PLEKHA7: variants seen among roughly 807,000 people sequenced by gnomAD.
PLEKHA7 encodes the protein pleckstrin homology domain-containing family A member 7.
Under a neutral mutation model 170.0 loss-of-function variants are expected in PLEKHA7, and 104 were observed. That is an observed-to-expected ratio of 0.61 (90% CI 0.52 to 0.72). The LOEUF is 0.72. Ranked by LOEUF, PLEKHA7 falls within the 30% of genes least tolerant of loss-of-function variation. The pLI, the probability that PLEKHA7 is intolerant of heterozygous loss-of-function variation, is 0.00. For missense variants in PLEKHA7, 1,615 were observed against 1,671.7 expected (o/e 0.97, Z 0.59); for synonymous variants, 648 against 660.8 (o/e 0.98, Z 0.30).
At chr11:16,823,336 C>T (rs899069930) in intron 10 of PLEKHA7, among the ~76,000 whole-genome samples, 4 of 152,106 alleles carry the variant, frequency 2.6e-5, no homozygotes, top group African/African-American at 9.7e-5. Flanking sequence ...CATACTGATA[C>T]CTTGACCTCA....
intron 3 of PLEKHA7, chr11:16,881,584 G>C (rs1038191080): frequency 1.3e-5 from 2 of 152,190 alleles, no homozygotes; most frequent in African/African-American, 4.8e-5. Flanking sequence ...AATCAACCAG[G>C]CAAGCACTTC....
At chr11:16,851,789 T>C (rs1405046958) in intron 7 of PLEKHA7, among the ~76,000 whole-genome samples, 11 of 152,166 alleles carry the variant, frequency 7.2e-5, no homozygotes, top group Non-Finnish European at 1.6e-4. Flanking sequence ...TCTCTCCTTC[T>C]AAGAAGCCTC....
intron 9 of PLEKHA7, among the ~76,000 whole-genome samples, chr11:16,840,112 T>C (rs890442261): frequency 2.0e-5 from 3 of 152,126 alleles, no homozygotes; most frequent in African/African-American, 2.4e-5. Flanking sequence ...AAAATTGACG[T>C]AGTTACTGAT....
rs1258411646 is a variant in PLEKHA7, at chr11:16,817,731, G to A, written c.1344-409C>T. On this transcript the variant is annotated intron_variant, in intron 10 of 26. Coordinates refer to ENST00000531066, the MANE Select transcript of PLEKHA7 (RefSeq NM_001329630.2). The surrounding 1 kb of genome is among the most constrained non-coding windows in gnomAD (Gnocchi z 4.4). ...GCACCAAGTTCCAGAGGTTCATAAA[G>A]GAAGTGGTTGGCATCAGTTCTCTTT... Among the ~76,000 whole-genome samples, 1 of 152,184 alleles carries A rather than the reference G, an allele frequency of 6.6e-6. No individual in the cohort carries two copies. The highest frequency in any genetic ancestry group is 6.5e-5 in the Admixed American group (1 of 15,284).
chr11:16,936,874 T>C (rs1860340430), intron 3 of PLEKHA7, among the ~76,000 whole-genome samples: 1 of 152,212 alleles, frequency 6.6e-6, no homozygotes, highest in Non-Finnish European at 1.5e-5. Flanking sequence ...TGCCAAGAGA[T>C]AAGAACCCAT....
intron 3 of PLEKHA7, among the ~76,000 whole-genome samples, chr11:16,909,784 G>A (rs1310484062): frequency 6.6e-6 from 1 of 152,208 alleles, no homozygotes; most frequent in Non-Finnish European, 1.5e-5. Context: ...CCACATTCAG[G>A]CCTCATGTAT....
chr11:16,912,871 A>T (rs766487306), intron 3 of PLEKHA7, among the ~76,000 whole-genome samples: 1 of 152,156 alleles, frequency 6.6e-6, no homozygotes, highest in African/African-American at 2.4e-5. Flanking sequence ...CTGCTGGCCA[A>T]TTGCCAGCCA....
intron 3 of PLEKHA7, among the ~76,000 whole-genome samples, chr11:16,916,271 T>A (rs959238956): frequency 6.6e-6 from 1 of 152,226 alleles, no homozygotes; most frequent in Admixed American, 6.5e-5. Context: ...CTTTGTCAGA[T>A]GAGTAGGTTG....
intron 3 of PLEKHA7, among the ~76,000 whole-genome samples, chr11:16,991,939 G>A (rs1194245730): frequency 6.6e-6 from 1 of 152,168 alleles, no homozygotes; most frequent in African/African-American, 2.4e-5. Flanking sequence ...GTCTGATTCT[G>A]GATAAATTTC....
intron 3 of PLEKHA7, among the ~76,000 whole-genome samples, chr11:17,004,193 G>A (rs4757484): frequency 0.63 from 95,925 of 151,958 alleles, 30,940 homozygotes; most frequent in East Asian, 0.96. Flanking sequence ...CTGTCAATGA[G>A]TTTTTGGACA....
chr11:16,950,525 A>C (rs557936896), intron 3 of PLEKHA7, among the ~76,000 whole-genome samples: 5 of 150,100 alleles, frequency 3.3e-5, no homozygotes, highest in Non-Finnish European at 7.4e-5. Context: ...TCATAAAAGG[A>C]AATCTCTGCT....
intron 8 of PLEKHA7, among the ~76,000 whole-genome samples, chr11:16,845,055 CAG>C (rs1491068618): frequency 3.9e-5 from 6 of 152,206 alleles, no homozygotes; most frequent in African/African-American, 1.4e-4. Context: ...GTGAGGAGAA[CAG>C]GGGAGCCCAG....
intron 13 of PLEKHA7, among the ~76,000 whole-genome samples, chr11:16,805,789 C>T (rs1269000300): frequency 1.8e-5 from 2 of 111,194 alleles, no homozygotes; most frequent in Non-Finnish European, 1.9e-5. Flanking sequence ...GACTCCATGT[C>T]AAAAAAAAAA....
At chr11:16,947,606 A>C (rs1861117457) in intron 3 of PLEKHA7, among the ~76,000 whole-genome samples, 1 of 150,424 alleles carries the variant, frequency 6.6e-6, no homozygotes, top group Admixed American at 6.6e-5. Flanking sequence ...AAAAAAAAGA[A>C]AGAAAGAAAG....
At chr11:16,956,766 T>A (rs1026934998) in intron 3 of PLEKHA7, among the ~76,000 whole-genome samples, 2 of 152,228 alleles carry the variant, frequency 1.3e-5, no homozygotes, top group African/African-American at 2.4e-5. Context: ...TGGTGCTTCC[T>A]GCACCTGGAT....
chr11:16,891,070 C>CTCTATTCTACTCTATTCTAT, intron 3 of PLEKHA7, among the ~76,000 whole-genome samples: 1 of 149,904 alleles, frequency 6.7e-6, no homozygotes, highest in East Asian at 2.0e-4. Flanking sequence ...GACTATTATT[C>CTCTATTCTACTCTATTCTAT]TCTATTCTAT....
chr11:16,795,117 G>A, intron 17 of PLEKHA7, 99 bp from the exon 18 acceptor site: 1 of 850,370 alleles, frequency 1.2e-6, no homozygotes, highest in Non-Finnish European at 2.0e-6. Context: ...CGCCCTGAGG[G>A]GCAGCATCCC....
intron 17 of PLEKHA7, among the ~76,000 whole-genome samples, chr11:16,795,661 C>T (rs10832682): frequency 0.29 from 43,973 of 150,800 alleles, 6,680 homozygotes; most frequent in South Asian, 0.37. Context: ...TGGTGGTGTG[C>T]GCCTGTAATC....
intron 3 of PLEKHA7, among the ~76,000 whole-genome samples, chr11:16,889,418 AAAATATATATATAT>A (rs1856461906): frequency 9.7e-6 from 1 of 103,556 alleles, no homozygotes. Context: ...AAAAAAAAAA[AAAATATATATATAT>A]ATATATATAT....
Sources: allele counts gnomAD v4.1 joint callset (sites outside exome capture counted in the v4.1 genomes callset), GRCh38; gene constraint gnomAD v4.1.1; non-coding constraint Gnocchi (gnomAD v3.1); transcripts MANE v1.5; gene names NCBI Gene and HGNC (gene_info 2026-07-23, HGNC 2026-07-21).